Variants in MYT1L observed in about 807,000 individuals in gnomAD.
MYT1L encodes myelin transcription factor 1 like.
Under a neutral mutation model 126.7 loss-of-function variants are expected in MYT1L, and 12 were observed. The ratio of observed to expected loss-of-function variants is 0.09; its 90% confidence interval spans 0.06 to 0.15. MYT1L has a LOEUF of 0.15. Ranked by LOEUF, MYT1L falls within the 10% of genes least tolerant of loss-of-function variation. MYT1L has a pLI of 1.00. For missense variants in MYT1L, 979 were observed against 1,585.2 expected, an observed-to-expected ratio of 0.62 and a Z score of 6.49; for synonymous variants, 541 against 604.2, an observed-to-expected ratio of 0.90 and a Z score of 1.53.
Position 2,003,599 on chromosome 2 carries a change from C to G in MYT1L, c.-157-6252G>C, listed in dbSNP as rs181114670. On this transcript the variant is annotated intron_variant, in intron 4 of 24. Coordinates refer to ENST00000647738, the MANE Select transcript of MYT1L (RefSeq NM_001303052.2). Reference sequence around the variant, plus strand: ...CTCTCCTGGGGTGGGTGCCTTGGCACCTCCTGCCCCTTCTCTATGTCTTTG... The same window carrying G: ...CTCTCCTGGGGTGGGTGCCTTGGCAGCTCCTGCCCCTTCTCTATGTCTTTG... Among the ~76,000 whole-genome samples the G allele has an allele frequency of 5.4e-3, 826 of 152,288 alleles. 4 individuals carry two copies. Among genetic ancestry groups the G allele is most frequent in the Non-Finnish European group, 7.7e-3 (527 of 68,036 alleles).
chr2:1,983,876 T>A (rs533171902), intron 5 of MYT1L, among the ~76,000 whole-genome samples: 298 of 152,316 alleles, frequency 2.0e-3, no homozygotes, highest in Middle Eastern at 3.4e-3. Context: ...TCTGATTACC[T>A]CTCCAGTAAT....
At chr2:2,231,476 T>G (rs867997325) in intron 2 of MYT1L, among the ~76,000 whole-genome samples, 4 of 152,178 alleles carry the variant, frequency 2.6e-5, no homozygotes, top group Non-Finnish European at 5.9e-5. Context: ...CTGGCTTTGT[T>G]GCCCAGGCTA....
At chr2:1,998,559 A>C (rs2062073725) in intron 4 of MYT1L, among the ~76,000 whole-genome samples, 2 of 152,180 alleles carry the variant, frequency 1.3e-5, no homozygotes, top group Admixed American at 1.3e-4. Flanking sequence ...TTTCGTCCAT[A>C]CACACAGTTA....
chr2:2,163,851 A>G (rs1444518987), intron 3 of MYT1L, among the ~76,000 whole-genome samples: 1 of 152,166 alleles, frequency 6.6e-6, no homozygotes, highest in East Asian at 1.9e-4. Flanking sequence ...GGAAATTGTT[A>G]GTGGTCCATG....
chr2:1,816,346 A>T (rs1181665159), intron 21 of MYT1L: 1 of 152,688 alleles, frequency 6.5e-6, no homozygotes, highest in African/African-American at 2.4e-5. Context: ...CCCCGCGGAT[A>T]GCAGTTGTGT....
At chr2:1,957,111 G>A (rs1282725667) in intron 8 of MYT1L, among the ~76,000 whole-genome samples, 3 of 152,210 alleles carry the variant, frequency 2.0e-5, no homozygotes, top group Non-Finnish European at 4.4e-5. Context: ...GAGGGGTGCT[G>A]CATGTCACAA....
intron 14 of MYT1L, among the ~76,000 whole-genome samples, chr2:1,899,594 T>C (rs2050072097): frequency 1.3e-5 from 2 of 152,230 alleles, no homozygotes; most frequent in East Asian, 1.9e-4. Flanking sequence ...CAGCTTTCCC[T>C]GTTCTTCCTT....
Position 2,209,233 on chromosome 2 carries a change from C to A in MYT1L, c.-420-36245G>T, listed in dbSNP as rs115813029. ...GGTCTCCATCGCCTCAAGCATTTAT[C>A]CTTTGTGTTACAAAAAAAATCCAAT... On this transcript the variant is annotated intron_variant, in intron 2 of 24. Transcript: ENST00000647738. 4.1e-3 allele frequency among the ~76,000 whole-genome samples: 619 copies of A among 152,224 alleles called. 3 individuals are homozygous for A. The highest frequency in any genetic ancestry group is 6.4e-3 in the Non-Finnish European group (437 of 68,014).
In MYT1L at chr2:1,922,759, A is replaced by G; in HGVS notation, c.1010T>C (p.Leu337Pro). Reference protein sequence around the residue: ...LECLRNQCFDLARKLSETNPQ... With the variant: ...LECLRNQCFDPARKLSETNPQ... Reference sequence around the variant, plus strand: ...GTTGGTCTCACTGAGCTTCCTGGCCAGGTCGAAGCACTGATTCCTCAAACA... The same window carrying G: ...GTTGGTCTCACTGAGCTTCCTGGCCGGGTCGAAGCACTGATTCCTCAAACA... The change falls in exon 10 of 25, where the codon CTG becomes CCG. Residue 337 changes from leucine to proline, a missense_variant. Leu to Pro is a moderately conservative substitution (Grantham distance 98). Coordinates refer to ENST00000647738, the MANE Select transcript of MYT1L (RefSeq NM_001303052.2). This position sits in a 1 kb window ranked among gnomAD's most constrained non-coding sequence, Gnocchi z 7.4. 1 of 1,613,958 alleles carries G rather than the reference A, an allele frequency of 6.2e-7. No individual in the cohort carries two copies. Among genetic ancestry groups the G allele is most frequent in the Non-Finnish European group, 8.5e-7 (1 of 1,179,892 alleles).
chr2:1,946,812 T>C (rs550504277), intron 8 of MYT1L, among the ~76,000 whole-genome samples: 42 of 152,180 alleles, frequency 2.8e-4, no homozygotes, highest in Non-Finnish European at 5.4e-4. Flanking sequence ...CACACCTTCA[T>C]GCTGAATCAC....
At chr2:1,893,168 G>C (rs2049140344) in intron 14 of MYT1L, among the ~76,000 whole-genome samples, 2 of 152,128 alleles carry the variant, frequency 1.3e-5, no homozygotes, top group South Asian at 2.1e-4. Context: ...GAGGGGCAAG[G>C]GTTATTTGTT....
chr2:1,934,291 C>CATATAT lies in MYT1L; in HGVS notation c.505+8685_505+8690dup, dbSNP rs71276815. On this transcript the variant is annotated intron_variant, in intron 9 of 24. Coordinates refer to ENST00000647738, the MANE Select transcript of MYT1L (RefSeq NM_001303052.2). ...CCCCGCCTGATTTTGATTTTTATAACATATATATATATATATACAACCTCA... is the reference window on the plus strand; with the variant it reads ...CCCCGCCTGATTTTGATTTTTATAACATATATATATATATATATATATACAACCTCA... Among the ~76,000 whole-genome samples the CATATAT allele has an allele frequency of 5.0e-3, 618 of 123,510 alleles. 16 individuals are homozygous for CATATAT. Among genetic ancestry groups the CATATAT allele is most frequent in the African/African-American group, 0.012 (387 of 33,182 alleles). 81.0% of individuals were successfully genotyped at this position (123,510 alleles called of 152,430 possible). A position where few individuals can be genotyped will look rare whatever the true frequency, so the allele number is the denominator to read the frequency against.
intron 13 of MYT1L, among the ~76,000 whole-genome samples, chr2:1,905,076 A>G (rs866979479): frequency 6.6e-6 from 1 of 152,058 alleles, no homozygotes; most frequent in African/African-American, 2.4e-5. Flanking sequence ...TTTAGTAGAG[A>G]CAGGGTTTTG....
chr2:1,984,383 G>A (rs1267394834), intron 5 of MYT1L, among the ~76,000 whole-genome samples: 7 of 151,926 alleles, frequency 4.6e-5, no homozygotes, highest in Admixed American at 2.0e-4. Context: ...TATTTGTAGA[G>A]CCAGGATCTC....
chr2:2,295,292 G>C (rs527953240), intron 1 of MYT1L, among the ~76,000 whole-genome samples: 3 of 152,146 alleles, frequency 2.0e-5, no homozygotes, highest in Non-Finnish European at 4.4e-5. Flanking sequence ...TTGAAGCCAG[G>C]GACAGGGACA....
At chr2:2,118,846 T>C (rs1354025661) in intron 3 of MYT1L, among the ~76,000 whole-genome samples, 1 of 152,230 alleles carries the variant, frequency 6.6e-6, no homozygotes, top group Non-Finnish European at 1.5e-5. Flanking sequence ...TTCTCAACAA[T>C]AGTTTTATCA....
chr2:2,221,300 C>T (rs745924923), intron 2 of MYT1L, among the ~76,000 whole-genome samples: 1 of 152,004 alleles, frequency 6.6e-6, no homozygotes, highest in Non-Finnish European at 1.5e-5. Flanking sequence ...GACTGGGAAC[C>T]GCTGGCATGG....
chr2:2,271,030 C>T lies in MYT1L; in HGVS notation c.-421+13374G>A, dbSNP rs140266238. On this transcript the variant is annotated intron_variant, in intron 2 of 24. Coordinates refer to ENST00000647738, the MANE Select transcript of MYT1L (RefSeq NM_001303052.2). The stretch of plus-strand genomic sequence containing the variant: ...CTTCCTCCTTCCGGGGAGCATGCCG[C>T]GGCCTTGCTGGCTCGAGAGGTCCCG... 2.6e-4 allele frequency among the ~76,000 whole-genome samples: 40 copies of T among 152,342 alleles called. No individual in the cohort carries two copies. The East Asian group carries it at 4.4e-3, about 17-fold the overall frequency.
Position 2,277,650 on chromosome 2 carries a change from T to A in MYT1L, c.-421+6754A>T, listed in dbSNP as rs142290269. ...TAGGGATGAGTTAGAATTGAAATAG[T>A]GTGGAAAAGAAATAATTACAGGATT... On this transcript the variant is annotated intron_variant, in intron 2 of 24. Coordinates refer to ENST00000647738, the MANE Select transcript of MYT1L (RefSeq NM_001303052.2). Among the ~76,000 whole-genome samples, 929 of 152,298 alleles carry A rather than the reference T, an allele frequency of 6.1e-3. 9 individuals are homozygous for A. Among genetic ancestry groups the A allele is most frequent in the African/African-American group, 0.021 (888 of 41,566 alleles).
Sources: allele counts gnomAD v4.1 joint callset (sites outside exome capture counted in the v4.1 genomes callset), GRCh38; gene constraint gnomAD v4.1.1; non-coding constraint Gnocchi (gnomAD v3.1); transcripts MANE v1.5; gene names NCBI Gene and HGNC (gene_info 2026-07-23, HGNC 2026-07-21).